The following ECSIT variants were observed in gnomAD, a reference collection of about 807,000 sequenced individuals.
ECSIT encodes the protein evolutionarily conserved signaling intermediate in Toll pathway, mitochondrial.
A neutral mutation model predicts 36.8 loss-of-function variants in ECSIT; 29 were observed. The observed-to-expected ratio is 0.79, with a 90% CI of 0.59 to 1.08. The LOEUF (loss-of-function observed/expected upper bound fraction) is 1.08, where lower values mean the gene tolerates loss of function less well. Ranked by LOEUF, ECSIT falls within the 50% of genes least tolerant of loss-of-function variation. The probability of loss-of-function intolerance (pLI) is 0.00; values close to 1 mark genes in which losing one functional copy is unlikely to be tolerated. For missense variants in ECSIT, 542 were observed against 581.0 expected (o/e 0.93, Z 0.69); for synonymous variants, 231 against 234.8 (o/e 0.98, Z 0.15).
At chr19:11,522,262 G>T (rs1972120371) in intron 1 of ECSIT, 1 of 634,950 alleles carries the variant, frequency 1.6e-6, no homozygotes, top group Non-Finnish European at 2.8e-6. Context: ...GGAATATTGG[G>T]ACCTGACCAC....
chr19:11,521,864 AG>A (rs1438806725), intron 1 of ECSIT: 1 of 157,314 alleles, frequency 6.4e-6, no homozygotes, highest in East Asian at 1.9e-4. Flanking sequence ...TGAGGTCAAG[AG>A]TTCAAGACCA....
intron 1 of ECSIT, among the ~76,000 whole-genome samples, chr19:11,525,141 A>T (rs554916498): frequency 1.8e-4 from 27 of 152,144 alleles, no homozygotes; most frequent in Admixed American, 3.3e-4. Context: ...CATCTCAAAA[A>T]AAATAAATAA....
rs533052961 is a variant in ECSIT, at chr19:11,506,111, A to G, written c.*73T>C. The G allele has an allele frequency of 6.4e-7, 1 of 1,566,862 alleles. No homozygotes were observed. Among genetic ancestry groups the G allele is most frequent in the African/African-American group, 1.4e-5 (1 of 73,894 alleles). ...GCAGGAAAACATTGATTTGCTGTAC[A>G]CTCAAAGGGCATCTCATGCCTTCAG... is the stretch of plus-strand genomic sequence containing the variant. On this transcript the variant is annotated 3_prime_UTR_variant, in exon 8 of 8. Coordinates refer to ENST00000270517, the MANE Select transcript of ECSIT (RefSeq NM_016581.5).
In ECSIT at chr19:11,507,461, A is replaced by T; in HGVS notation, c.1047T>A (p.Asn349Lys). Residue 349 changes from asparagine to lysine, a missense_variant, in exon 7 of 8, where the codon AAT becomes AAA. By Grantham distance (94) the Asn-to-Lys change is moderately conservative. Transcript: ENST00000270517. ...CGCACCTGGCCCAGTTTTTACCTTC[A>T]TTGATGTCAAACTCGTAGTTGTCCC... ...SGWDNYEFDI[N>K]EVEEGPVFAM... The T allele has an allele frequency of 6.2e-7, 1 of 1,613,538 alleles. No homozygotes were observed.
At position 11,509,069 on chromosome 19, in the gene ECSIT, A is replaced by ATT. The variant is rs140542540; in HGVS notation, c.739-1023_739-1022dup. ...GAACATAATTCAAAAACACTAGACA[A>ATT]TTTTTTTTTTTTTTTTTTGGGACAG... On this transcript the variant is annotated intron_variant, in intron 4 of 7. Transcript: ENST00000270517. Among the ~76,000 whole-genome samples the ATT allele has an allele frequency of 4.0e-3, 549 of 136,584 alleles. 6 individuals carry two copies. The highest frequency in any genetic ancestry group is 0.036 in the East Asian group (168 of 4,668). 89.6% of individuals were successfully genotyped at this position (136,584 alleles called of 152,430 possible).
Position 11,506,688 on chromosome 19 carries a change from C to A in ECSIT, c.1052-260G>T, listed in dbSNP as rs1971750672. On this transcript the variant is annotated intron_variant, in intron 7 of 7. Transcript: ENST00000270517. ...GAGCTGGGATTACAGGTGCACAGCA[C>A]CACGCCGGGCTAATTTTTAAATTTT... 2.6e-5 allele frequency among the ~76,000 whole-genome samples: 4 copies of A among 152,066 alleles called. No individual in the cohort carries two copies. In the South Asian group the frequency reaches 8.3e-4, roughly 32 times the overall value.
At chr19:11,516,368 A>G (rs1256067977) in intron 2 of ECSIT, 1 of 152,206 alleles carries the variant, frequency 6.6e-6, no homozygotes, top group Non-Finnish European at 1.5e-5. Context: ...GAATTTTTAA[A>G]TTAGAAGGGT....
In ECSIT at chr19:11,522,423, C is replaced by T. The variant is rs1972124383; in HGVS notation, c.-23-3230G>A. 5 of 1,428,204 alleles carry T rather than the reference C, an allele frequency of 3.5e-6. No homozygotes were observed. In the Admixed American group the frequency reaches 8.7e-5, roughly 25 times the overall value. The allele number at this position is 1,428,204 out of a possible 1,614,324, so 88.5% of individuals were successfully genotyped here. Reference sequence around the variant, plus strand: ...AGTTCCAAGACTCCAAGATCAAGTTCCCGCTGCCCCACCAGGTCCTGCGCC... The same window carrying T: ...AGTTCCAAGACTCCAAGATCAAGTTTCCGCTGCCCCACCAGGTCCTGCGCC... On this transcript the variant is annotated intron_variant, in intron 1 of 7. Transcript: ENST00000270517.
Position 11,507,437 on chromosome 19 carries a change from G to C in ECSIT, c.1051+20C>G, listed in dbSNP as rs149646232. 1.2e-6 allele frequency: 2 copies of C among 1,600,246 alleles called. No homozygotes were observed. The highest frequency in any genetic ancestry group is 8.6e-7 in the Non-Finnish European group (1 of 1,167,722). On this transcript the variant is annotated intron_variant, in intron 7 of 7. Coordinates refer to ENST00000270517, the MANE Select transcript of ECSIT (RefSeq NM_016581.5). ...ATTACGAGCACACATGTGAGCCACC[G>C]CACCTGGCCCAGTTTTTACCTTCAT...
At chr19:11,506,574 AC>A (rs1971747622) in intron 7 of ECSIT, 146 bp from the exon 8 acceptor site, 2 of 1,137,258 alleles carry the variant, frequency 1.8e-6, no homozygotes, top group South Asian at 1.8e-5. Flanking sequence ...TCGCTGTGTC[AC>A]CCAGGCTGGA....
chr19:11,516,385 T>C (rs1316621524), intron 2 of ECSIT: 2 of 152,174 alleles, frequency 1.3e-5, no homozygotes, highest in African/African-American at 4.8e-5. Context: ...GGGTTACATA[T>C]AAGGCATCTT....
chr19:11,522,476 A>T, intron 1 of ECSIT: 1 of 1,370,554 alleles, frequency 7.3e-7, no homozygotes, highest in East Asian at 2.3e-5. Flanking sequence ...TTCACCACCA[A>T]AAGGCCCAAC....
At chr19:11,524,319 C>T (rs1215228959) in intron 1 of ECSIT, among the ~76,000 whole-genome samples, 2 of 151,956 alleles carry the variant, frequency 1.3e-5, no homozygotes, top group African/African-American at 2.4e-5. Flanking sequence ...GTCAAGAGAT[C>T]GAGACTATCC....
intron 1 of ECSIT, chr19:11,522,426 G>C: frequency 6.9e-7 from 1 of 1,439,014 alleles, no homozygotes; most frequent in South Asian, 1.2e-5. Context: ...TCAAGTTCCC[G>C]CTGCCCCACC....
intron 4 of ECSIT, 45 bp downstream of exon 4, chr19:11,513,011 G>A (rs773517323): frequency 6.3e-7 from 1 of 1,584,702 alleles, no homozygotes; most frequent in Admixed American, 1.7e-5. Context: ...AATGGCGGGA[G>A]CCTGGCCTGG....
At chr19:11,508,186 C>T in intron 4 of ECSIT, 138 bp from the exon 5 acceptor site, 1 of 985,352 alleles carries the variant, frequency 1.0e-6, no homozygotes, top group Non-Finnish European at 1.6e-6. Flanking sequence ...CCAACCTGTC[C>T]CCTCCTCCCT....
rs1230868209 is a variant in ECSIT, at chr19:11,506,252, G to A, written c.1228C>T (p.Pro410Ser). ...LQTSSAGLEE[P>S]PLPEDHQEED... ...TCCTGGTGGTCCTCGGGCAGGGGCG[G>A]CTCCTCCAGCCCTGCAGAGGATGTC... is the stretch of plus-strand genomic sequence containing the variant. The change falls in exon 8 of 8, where the codon CCG becomes TCG. Residue 410 changes from proline (P) to serine (S), a missense_variant. By Grantham distance (74) the Pro-to-Ser change is moderately conservative (BLOSUM62 -1). Transcript: ENST00000270517. The A allele has an allele frequency of 1.2e-6, 2 of 1,610,580 alleles. No homozygotes were observed. The highest frequency in any genetic ancestry group is 1.7e-6 in the Non-Finnish European group (2 of 1,179,834).
intron 7 of ECSIT, among the ~76,000 whole-genome samples, chr19:11,506,991 G>A (rs567578137): frequency 1.3e-5 from 2 of 152,298 alleles, no homozygotes; most frequent in African/African-American, 2.4e-5. Context: ...CCTCTCCTAA[G>A]CTCCCCAAAG....
chr19:11,508,628 C>T (rs1340939620), intron 4 of ECSIT, among the ~76,000 whole-genome samples: 2 of 152,142 alleles, frequency 1.3e-5, no homozygotes, highest in Non-Finnish European at 2.9e-5. Flanking sequence ...TCTCGGCTCA[C>T]TATAGCCTCC....
Sources: gnomAD v4.1 joint callset for allele counts (sites outside exome capture counted in the v4.1 genomes callset) on GRCh38, gnomAD v4.1.1 for gene constraint, MANE v1.5 for transcripts, NCBI Gene and HGNC (gene_info 2026-07-23, HGNC 2026-07-21) for gene names.